TMPRSS11E: variants seen among roughly 807,000 people sequenced by gnomAD.
TMPRSS11E encodes transmembrane serine protease 11E.
Under a neutral mutation model 48.1 loss-of-function variants are expected in TMPRSS11E, and 38 were observed. The ratio of observed to expected loss-of-function variants is 0.79; its 90% CI spans 0.61 to 1.04. The LOEUF (loss-of-function observed/expected upper bound fraction) is 1.04. TMPRSS11E is among the 50% of genes least tolerant of loss of function. TMPRSS11E has a pLI of 0.00. For synonymous variants in TMPRSS11E, 158 were observed against 171.9 expected (o/e 0.92, Z 0.63); for missense variants, 530 against 510.8 (o/e 1.04, Z -0.36).
chr4:68,460,854 G>T (rs1728768665), intron 1 of TMPRSS11E, among the ~76,000 whole-genome samples: 1 of 150,886 alleles, frequency 6.6e-6, no homozygotes, highest in Non-Finnish European at 1.5e-5. Flanking sequence ...GAAGTTGAGG[G>T]AATCTCATGC....
Position 68,476,274 on chromosome 4 carries a change from A to T in TMPRSS11E, c.543A>T (p.Arg181=). The T allele has an allele frequency of 6.2e-7, 1 of 1,614,086 alleles. No individual in the cohort carries two copies. The highest frequency in any genetic ancestry group is 1.1e-5 in the South Asian group (1 of 91,084). Residue 181 remains arginine, a synonymous_variant, in exon 7 of 10, where the codon CGA becomes CGT. Coordinates refer to ENST00000305363, the MANE Select transcript of TMPRSS11E (RefSeq NM_014058.4). ...DSYLNHCCGT[R]RSKTLGQSLR... ...TCTCTTTTGCAGGCTGCGGAACACG[A>T]AGAAGTAAAACTCTAGGTCAGAGTC...
chr4:68,458,243 T>A (rs971606164), intron 1 of TMPRSS11E, among the ~76,000 whole-genome samples: 1 of 152,158 alleles, frequency 6.6e-6, no homozygotes, highest in Admixed American at 6.6e-5. Context: ...CTTTTTGCTG[T>A]TGCTGCTGCT....
In TMPRSS11E at chr4:68,453,681, C is replaced by T. The variant is rs183186039; in HGVS notation, c.11+6158C>T. On this transcript the variant is annotated intron_variant, in intron 1 of 9. Coordinates refer to ENST00000305363, the MANE Select transcript of TMPRSS11E (RefSeq NM_014058.4). ...GGCAATTTCCCTTGATTGCAACAATCTGTTTTGCATATTATAATAGTATCG... is the reference window on the plus strand; with the variant it reads ...GGCAATTTCCCTTGATTGCAACAATTTGTTTTGCATATTATAATAGTATCG... 1.4e-3 allele frequency among the ~76,000 whole-genome samples: 214 copies of T among 152,042 alleles called. 1 individual carries two copies. The highest frequency in any genetic ancestry group is 1.0e-2 in the Admixed American group (152 of 15,230).
intron 2 of TMPRSS11E, among the ~76,000 whole-genome samples, chr4:68,464,868 T>G (rs530482804): frequency 6.6e-6 from 1 of 152,324 alleles, no homozygotes; most frequent in South Asian, 2.1e-4. Flanking sequence ...ATGCAAAATC[T>G]TGAGTCTAAC....
chr4:68,455,380 G>T (rs1048179674), intron 1 of TMPRSS11E, among the ~76,000 whole-genome samples: 2 of 151,888 alleles, frequency 1.3e-5, no homozygotes, highest in African/African-American at 4.8e-5. Flanking sequence ...TGAAGAAAAG[G>T]AGAGCTCTCA....
At chr4:68,453,299 G>A (rs1258206042) in intron 1 of TMPRSS11E, among the ~76,000 whole-genome samples, 2 of 151,866 alleles carry the variant, frequency 1.3e-5, no homozygotes, top group African/African-American at 2.4e-5. Context: ...CCATTTGTGG[G>A]TGGGGAAATG....
intron 3 of TMPRSS11E, among the ~76,000 whole-genome samples, chr4:68,467,857 G>C (rs186023335): frequency 9.9e-5 from 15 of 152,216 alleles, no homozygotes; most frequent in African/African-American, 3.4e-4. Flanking sequence ...AGGTCAAGAA[G>C]AGATGCCACT....
rs774394874 is a variant in TMPRSS11E, at chr4:68,468,931, A to G, written c.311A>G (p.Gln104Arg). Residue 104 changes from glutamine (Q) to arginine (R), a missense_variant, in exon 4 of 10, where the codon CAG becomes CGG. By Grantham distance (43) the Gln-to-Arg change is conservative. Coordinates refer to ENST00000305363, the MANE Select transcript of TMPRSS11E (RefSeq NM_014058.4). ...TTAAGGGAAGAATTTGTCAAGTCTC[A>G]GGTTATCAAGTTCAGGTATGTAAAT... ...SPLREEFVKS[Q>R]VIKFSQQKHG... 2 of 1,610,922 alleles carry G rather than the reference A, an allele frequency of 1.2e-6. No homozygotes were observed. The highest frequency in any genetic ancestry group is 2.7e-5 in the African/African-American group (2 of 74,822).
At chr4:68,484,774 C>G (rs1417285636) in intron 9 of TMPRSS11E, among the ~76,000 whole-genome samples, 1 of 152,170 alleles carries the variant, frequency 6.6e-6, no homozygotes, top group African/African-American at 2.4e-5. Flanking sequence ...TATAGAAGTG[C>G]TCCTCATTTT....
intron 8 of TMPRSS11E, 31 bp downstream of exon 8, chr4:68,477,659 G>A: frequency 6.2e-7 from 1 of 1,605,766 alleles, no homozygotes; most frequent in Non-Finnish European, 8.5e-7. Flanking sequence ...TCAAGTAAAA[G>A]TTAAATTGGT....
At chr4:68,462,962 T>C (rs2109675680) in intron 2 of TMPRSS11E, among the ~76,000 whole-genome samples, 1 of 152,302 alleles carries the variant, frequency 6.6e-6, no homozygotes, top group Admixed American at 6.5e-5. Flanking sequence ...GGGTTTTAAT[T>C]ACTTGACTCA....
chr4:68,488,596 T>C (rs1166502958), intron 9 of TMPRSS11E, among the ~76,000 whole-genome samples: 1 of 152,194 alleles, frequency 6.6e-6, no homozygotes, highest in East Asian at 1.9e-4. Flanking sequence ...TGGAGTGCAG[T>C]GGCAAGATAT....
chr4:68,487,941 C>CAAA (rs56299530), intron 9 of TMPRSS11E, among the ~76,000 whole-genome samples: 95 of 89,876 alleles, frequency 1.1e-3, no homozygotes, highest in East Asian at 2.4e-3. Context: ...GACTCTGTCT[C>CAAA]AAAAAAAAAA....
chr4:68,456,420 G>A (rs1028450513), intron 1 of TMPRSS11E, among the ~76,000 whole-genome samples: 1 of 151,894 alleles, frequency 6.6e-6, no homozygotes, highest in Non-Finnish European at 1.5e-5. Flanking sequence ...TATGTTATTT[G>A]TAATTTTATG....
intron 9 of TMPRSS11E, among the ~76,000 whole-genome samples, chr4:68,483,246 A>G (rs1208715235): frequency 1.2e-5 from 1 of 83,610 alleles, no homozygotes; most frequent in Non-Finnish European, 2.5e-5. Flanking sequence ...TGAAAGCAGG[A>G]GCGAGAGAGA....
At chr4:68,457,509 A>T (rs1322232552) in intron 1 of TMPRSS11E, among the ~76,000 whole-genome samples, 2 of 152,154 alleles carry the variant, frequency 1.3e-5, no homozygotes, top group East Asian at 3.8e-4. Context: ...AGGATCTAGA[A>T]CCAGAAATAC....
chr4:68,457,721 G>A (rs973335569), intron 1 of TMPRSS11E, among the ~76,000 whole-genome samples: 12 of 151,950 alleles, frequency 7.9e-5, no homozygotes, highest in African/African-American at 2.7e-4. Context: ...AGAAAACATG[G>A]CACATATACA....
At chr4:68,463,381 A>C (rs1374030944) in intron 2 of TMPRSS11E, among the ~76,000 whole-genome samples, 1 of 152,070 alleles carries the variant, frequency 6.6e-6, no homozygotes, top group Non-Finnish European at 1.5e-5. Flanking sequence ...GGCTCACTGC[A>C]ACCCCTGCCT....
chr4:68,449,120 GT>G (rs944117247), intron 1 of TMPRSS11E, among the ~76,000 whole-genome samples: 24 of 150,770 alleles, frequency 1.6e-4, no homozygotes, highest in Admixed American at 3.3e-4. Context: ...ATAAGAATCA[GT>G]TTTTTTTTTT....
Sources: gnomAD v4.1 joint callset for allele counts (sites outside exome capture counted in the v4.1 genomes callset) on GRCh38, gnomAD v4.1.1 for gene constraint, MANE v1.5 for transcripts, NCBI Gene and HGNC (gene_info 2026-07-23, HGNC 2026-07-21) for gene names.